SELP: variants seen among roughly 807,000 people sequenced by gnomAD.
The protein encoded by SELP is selectin P.
Under a neutral mutation model 104.1 loss-of-function variants are expected in SELP, and 92 were observed. The ratio of observed to expected loss-of-function variants is 0.88; its 90% CI spans 0.75 to 1.05. The LOEUF (loss-of-function observed/expected upper bound fraction) is 1.05. Ranked by LOEUF, SELP falls within the 50% of genes least tolerant of loss-of-function variation. The pLI is 0.00. For missense variants in SELP, 1,022 were observed against 1,017.3 expected (o/e 1.00, Z -0.06); for synonymous variants, 397 against 364.5 (o/e 1.09, Z -1.01).
At chr1:169,598,431 C>G (rs962749863) in intron 10 of SELP, among the ~76,000 whole-genome samples, 3 of 152,136 alleles carry the variant, frequency 2.0e-5, no homozygotes, top group Non-Finnish European at 4.4e-5. Flanking sequence ...CATACTGGCC[C>G]ATGTATTTTT....
intron 1 of SELP, among the ~76,000 whole-genome samples, chr1:169,626,029 G>A (rs1230365324): frequency 6.6e-6 from 1 of 152,204 alleles, no homozygotes; most frequent in Non-Finnish European, 1.5e-5. Flanking sequence ...ATGAGATAAT[G>A]TTTAAGTGGA....
chr1:169,597,838 T>C (rs1661707999), intron 10 of SELP, among the ~76,000 whole-genome samples: 1 of 152,210 alleles, frequency 6.6e-6, no homozygotes, highest in Non-Finnish European at 1.5e-5. Flanking sequence ...TGAGAATTTT[T>C]CCACTTTTAT....
Position 169,621,427 on chromosome 1 carries a change from G to GTT in SELP, c.4-2210_4-2209dup, listed in dbSNP as rs1281492092. Among the ~76,000 whole-genome samples the GTT allele has an allele frequency of 1.1e-4, 10 of 88,774 alleles. No individual in the cohort carries two copies. In the East Asian group the frequency reaches 2.3e-3, roughly 21 times the overall value. 58.2% of individuals were successfully genotyped at this position (88,774 alleles called of 152,430 possible). On this transcript the variant is annotated intron_variant, in intron 1 of 16. Coordinates refer to ENST00000263686, the MANE Select transcript of SELP (RefSeq NM_003005.4). ...TGTAGGGTGCATGGGACAGTGTGAG[G>GTT]TTGTGTGTGTGTGTGTGTGTGTGTG...
intron 7 of SELP, 83 bp downstream of exon 7, chr1:169,611,409 C>T: frequency 7.2e-7 from 1 of 1,395,606 alleles, no homozygotes; most frequent in Non-Finnish European, 9.9e-7. Context: ...AAGAGATCAC[C>T]CCGACACTGA....
At chr1:169,600,574 C>T (rs566523760) in intron 10 of SELP, among the ~76,000 whole-genome samples, 43 of 152,172 alleles carry the variant, frequency 2.8e-4, no homozygotes, top group Non-Finnish European at 4.1e-4. Flanking sequence ...AGCCATCCCC[C>T]AAAATGAAAT....
chr1:169,589,707 C>G (rs1235573335), intron 16 of SELP: 1 of 153,524 alleles, frequency 6.5e-6, no homozygotes, highest in Non-Finnish European at 1.4e-5. Context: ...GCCATTCAGG[C>G]TTTTTGTAGG....
chr1:169,617,436 G>T, intron 2 of SELP, 22 bp from the exon 3 acceptor site: 1 of 1,608,266 alleles, frequency 6.2e-7, no homozygotes, highest in Non-Finnish European at 8.5e-7. Flanking sequence ...GAGAGTGAGT[G>T]CCAGGTTAGT....
intron 1 of SELP, among the ~76,000 whole-genome samples, chr1:169,628,929 C>T (rs1256485377): frequency 6.6e-6 from 1 of 152,122 alleles, no homozygotes; most frequent in Admixed American, 6.6e-5. Context: ...ACACAGAAAC[C>T]CACATTATAA....
intron 10 of SELP, among the ~76,000 whole-genome samples, chr1:169,597,664 T>A (rs72712017): frequency 6.6e-6 from 1 of 152,324 alleles, no homozygotes; most frequent in Non-Finnish European, 1.5e-5. Context: ...TCCATTTGAA[T>A]CTCCTCACTA....
rs763812736 is a variant in SELP at position 169,630,060 on chromosome 1, A to C, written c.3+12T>G. The C allele has an allele frequency of 1.2e-6, 2 of 1,614,146 alleles. No individual in the cohort carries two copies. Among genetic ancestry groups the C allele is most frequent in the Non-Finnish European group, 1.7e-6 (2 of 1,179,996 alleles). Reference sequence around the variant, plus strand: ...CTTCAACCACTTCCCATGCAGAAAAAAATAAACTCACCATCTCCTCTGTGA... The same window carrying C: ...CTTCAACCACTTCCCATGCAGAAAACAATAAACTCACCATCTCCTCTGTGA... On this transcript the variant is annotated intron_variant, in intron 1 of 16. Transcript: ENST00000263686.
Position 169,627,237 on chromosome 1 carries a change from T to C in SELP, c.3+2835A>G, listed in dbSNP as rs990629487. Among the ~76,000 whole-genome samples, 5 of 152,140 alleles carry C rather than the reference T, an allele frequency of 3.3e-5. No homozygotes were observed. In the South Asian group the frequency reaches 6.2e-4, roughly 19 times the overall value. ...TGTTTCTGGACGGTGGTGGTGTTAG[T>C]GGTGTGGCACAGATATTGGTAGCCC... On this transcript the variant is annotated intron_variant, in intron 1 of 16. Transcript: ENST00000263686.
At chr1:169,607,198 C>A in intron 8 of SELP, 64 bp from the exon 9 acceptor site, 1 of 1,340,080 alleles carries the variant, frequency 7.5e-7, no homozygotes, top group South Asian at 1.8e-5. Flanking sequence ...GATTTTTGAC[C>A]ATTAACTCTT....
intron 8 of SELP, among the ~76,000 whole-genome samples, 187 bp from the exon 9 acceptor site, chr1:169,607,321 C>A (rs752956646): frequency 6.6e-6 from 1 of 152,092 alleles, no homozygotes; most frequent in Non-Finnish European, 1.5e-5. Context: ...AATGCTAAAC[C>A]TTTGTTGAGC....
In SELP at chr1:169,613,568, A is replaced by G; in HGVS notation, c.589+18T>C. 1 of 1,596,612 alleles carries G rather than the reference A, an allele frequency of 6.3e-7. No homozygotes were observed. Among genetic ancestry groups the G allele is most frequent in the Non-Finnish European group, 8.6e-7 (1 of 1,164,190 alleles). On this transcript the variant is annotated intron_variant, in intron 4 of 16. Coordinates refer to ENST00000263686, the MANE Select transcript of SELP (RefSeq NM_003005.4). ...CTAGCATAAAACCAAAATAATATCA[A>G]CAAAAAGGAAGCCTCACCGTATTCA...
At chr1:169,616,278 T>C (rs567856013) in intron 3 of SELP, among the ~76,000 whole-genome samples, 2 of 152,360 alleles carry the variant, frequency 1.3e-5, no homozygotes, top group African/African-American at 4.8e-5. Context: ...TTACAATCCT[T>C]GGTTATATTC....
intron 10 of SELP, among the ~76,000 whole-genome samples, chr1:169,599,368 A>AAC (rs1553228183): frequency 6.6e-6 from 1 of 151,838 alleles, no homozygotes; most frequent in African/African-American, 2.4e-5. Flanking sequence ...CAAAAAAAAA[A>AAC]AAACTCCTGA....
chr1:169,623,469 CTGTT>C (rs753756620), intron 1 of SELP, among the ~76,000 whole-genome samples: 21 of 152,178 alleles, frequency 1.4e-4, no homozygotes, highest in East Asian at 3.9e-4. Flanking sequence ...CCATTTTAAC[CTGTT>C]TGTTTGTTTG....
chr1:169,614,548 G>T (rs1007010329), intron 3 of SELP, among the ~76,000 whole-genome samples: 7 of 152,144 alleles, frequency 4.6e-5, no homozygotes, highest in Non-Finnish European at 7.4e-5. Context: ...GTCATAGTTG[G>T]GGGTAAGTTC....
rs3917668 is a variant in SELP at position 169,626,209 on chromosome 1, C to T, written c.3+3863G>A. The stretch of plus-strand genomic sequence containing the variant: ...GGAATGAGCAATGGAGAGAAAAATA[C>T]GAGCCGGGGGTAGTGACAGATCACA... On this transcript the variant is annotated intron_variant, in intron 1 of 16. Transcript: ENST00000263686. 3.5e-3 allele frequency among the ~76,000 whole-genome samples: 536 copies of T among 152,252 alleles called. 4 individuals are homozygous for T. The highest frequency in any genetic ancestry group is 0.011 in the African/African-American group (475 of 41,550).
Sources: allele counts gnomAD v4.1 joint callset (sites outside exome capture counted in the v4.1 genomes callset), GRCh38; gene constraint gnomAD v4.1.1; transcripts MANE v1.5; gene names NCBI Gene and HGNC (gene_info 2026-07-23, HGNC 2026-07-21).